The following LRRK2 variants were observed in gnomAD, a reference collection of about 807,000 sequenced individuals.
LRRK2 encodes leucine-rich repeat serine/threonine-protein kinase 2.
LRRK2 carries 203 observed loss-of-function variants against 302.6 expected under a neutral mutation model. The observed-to-expected ratio is 0.67, with a 90% CI of 0.60 to 0.75. LRRK2 has a LOEUF of 0.75. Ranked by LOEUF, LRRK2 falls within the 30% of genes least tolerant of loss-of-function variation. The pLI is 0.00. For missense variants in LRRK2, 2,830 were observed against 2,951.0 expected, an observed-to-expected ratio of 0.96 and a Z score of 0.95; for synonymous variants, 1,066 against 1,031.9, an observed-to-expected ratio of 1.03 and a Z score of -0.63.
chr12:40,306,884 T>C (rs1010401643), intron 28 of LRRK2, among the ~76,000 whole-genome samples: 1 of 152,150 alleles, frequency 6.6e-6, no homozygotes, highest in African/African-American at 2.4e-5. Flanking sequence ...AAGGAGTTTG[T>C]TATCTTTTGT....
At chr12:40,229,437 A>G (rs1390626150) in intron 2 of LRRK2, among the ~76,000 whole-genome samples, 1 of 152,168 alleles carries the variant, frequency 6.6e-6, no homozygotes, top group African/African-American at 2.4e-5. Flanking sequence ...ATGTTTCTTC[A>G]TAAATGACAG....
At chr12:40,335,630 G>A (rs1410430149) in intron 40 of LRRK2, among the ~76,000 whole-genome samples, 1 of 152,138 alleles carries the variant, frequency 6.6e-6, no homozygotes, top group Non-Finnish European at 1.5e-5. Flanking sequence ...ACACTGGAGT[G>A]GAAAGGCTGT....
chr12:40,341,472 T>G (rs1022325215), intron 41 of LRRK2, among the ~76,000 whole-genome samples: 7 of 152,206 alleles, frequency 4.6e-5, no homozygotes, highest in Non-Finnish European at 1.0e-4. Flanking sequence ...ATAGTTACAT[T>G]TTAGAAGTAG....
At chr12:40,257,638 G>T (rs963746919) in intron 12 of LRRK2, among the ~76,000 whole-genome samples, 3 of 152,194 alleles carry the variant, frequency 2.0e-5, no homozygotes, top group Non-Finnish European at 4.4e-5. Flanking sequence ...ATTTTGAAAA[G>T]TGGTAATTGT....
At chr12:40,352,093 G>C (rs1946369924) in intron 44 of LRRK2, among the ~76,000 whole-genome samples, 1 of 152,096 alleles carries the variant, frequency 6.6e-6, no homozygotes, top group African/African-American at 2.4e-5. Context: ...ATATGAATAG[G>C]AGCACAGAAT....
At chr12:40,331,606 A>AT (rs1945715102) in intron 39 of LRRK2, among the ~76,000 whole-genome samples, 1 of 151,846 alleles carries the variant, frequency 6.6e-6, no homozygotes, top group Admixed American at 6.6e-5. Context: ...ACAAAAAAAA[A>AT]ATCTCATAAT....
At chr12:40,310,702 G>A in intron 31 of LRRK2, 53 bp downstream of exon 31, 1 of 1,566,122 alleles carries the variant, frequency 6.4e-7, no homozygotes. Flanking sequence ...CAACTGCCTA[G>A]AAATGTCAGA....
chr12:40,321,882 T>A (rs1179425538), intron 35 of LRRK2, among the ~76,000 whole-genome samples, 153 bp from the exon 36 acceptor site: 2 of 152,028 alleles, frequency 1.3e-5, no homozygotes, highest in Non-Finnish European at 2.9e-5. Context: ...GGATAAAATA[T>A]TTAATAGATA....
chr12:40,228,000 G>A (rs542494332), intron 2 of LRRK2: 2 of 152,250 alleles, frequency 1.3e-5, no homozygotes, highest in Admixed American at 6.5e-5. Flanking sequence ...AGACATATAA[G>A]GTGATTCTGT....
Position 40,298,284 on chromosome 12 carries a change from A to T in LRRK2, c.3138A>T (p.Lys1046Asn). Residue 1046 changes from lysine (K) to asparagine (N), a missense_variant, in exon 24 of 51, where the codon AAA becomes AAT. This residue lies in a region of LRRK2 where 2,121 missense variants were observed against 2,148.0 expected (regional missense o/e 0.99). Coordinates refer to ENST00000298910, the MANE Select transcript of LRRK2 (RefSeq NM_198578.4). ...SLTHLDLHSN[K>N]FTSFPSYLLK... ...CACATTTGGACTTGCACAGTAATAA[A>T]TTTACATCATTTCCTTCTTATTTGT... is the stretch of plus-strand genomic sequence containing the variant. 1.2e-6 allele frequency: 2 copies of T among 1,613,736 alleles called. No homozygotes were observed. The highest frequency in any genetic ancestry group is 1.7e-6 in the Non-Finnish European group (2 of 1,179,836).
intron 16 of LRRK2, among the ~76,000 whole-genome samples, chr12:40,276,794 G>A (rs958755191): frequency 7.2e-5 from 11 of 152,094 alleles, no homozygotes; most frequent in African/African-American, 2.7e-4. Context: ...AGCATCATAA[G>A]AGTTCGAAGT....
chr12:40,298,798 T>TATATATATATATATATAA (rs57355300), intron 24 of LRRK2, among the ~76,000 whole-genome samples: 2 of 94,264 alleles, frequency 2.1e-5, no homozygotes, highest in African/African-American at 8.4e-5. Context: ...TATATATATA[T>TATATATATATATATATAA]AATATATGTA....
Position 40,251,827 on chromosome 12 carries a change from C to T in LRRK2, c.1181+283C>T, listed in dbSNP as rs149913043. 2.5e-3 allele frequency among the ~76,000 whole-genome samples: 382 copies of T among 152,184 alleles called. 4 individuals carry two copies. Among genetic ancestry groups the T allele is most frequent in the Admixed American group, 0.02 (304 of 15,256 alleles). ...AGAATCTTTCTATTTTCTGGCTGAT[C>T]GTTTTAAAATGCCATATTAATTCAT... On this transcript the variant is annotated intron_variant, in intron 10 of 50. Transcript: ENST00000298910.
At position 40,367,808 on chromosome 12, in the gene LRRK2, C is replaced by T. The variant is rs1182486628; in HGVS notation, c.*43C>T. ...TCTTTGGATAGGAAAATTATTCTCT[C>T]CTCTTGTAAATATTTATTTTAAAAA... On this transcript the variant is annotated 3_prime_UTR_variant, in exon 51 of 51. Coordinates refer to ENST00000298910, the MANE Select transcript of LRRK2 (RefSeq NM_198578.4). 21 of 1,567,408 alleles carry T rather than the reference C, an allele frequency of 1.3e-5. No homozygotes were observed. The highest frequency in any genetic ancestry group is 1.6e-5 in the Non-Finnish European group (19 of 1,152,070).
At chr12:40,235,801 T>TG (rs1205407730) in intron 4 of LRRK2, 87 bp downstream of exon 4, 7 of 770,832 alleles carry the variant, frequency 9.1e-6, no homozygotes, top group Non-Finnish European at 1.5e-5. Context: ...GTGTTTTTTT[T>TG]TTTTTTTTTT....
chr12:40,294,186 C>G (rs1383177896), intron 21 of LRRK2, among the ~76,000 whole-genome samples: 1 of 151,432 alleles, frequency 6.6e-6, no homozygotes, highest in East Asian at 1.9e-4. Flanking sequence ...TATCATCTAT[C>G]TATCAATCAT....
intron 41 of LRRK2, among the ~76,000 whole-genome samples, chr12:40,342,214 G>C (rs1184591479): frequency 6.6e-6 from 1 of 152,220 alleles, no homozygotes; most frequent in Non-Finnish European, 1.5e-5. Context: ...GTCTAGGCCA[G>C]CTAGCAGCCA....
intron 33 of LRRK2, among the ~76,000 whole-genome samples, chr12:40,317,140 A>T (rs553806315): frequency 6.6e-6 from 1 of 152,094 alleles, no homozygotes; most frequent in East Asian, 1.9e-4. Context: ...TTGAAACTCC[A>T]TGAAAGTTCT....
In LRRK2 at chr12:40,323,287, A is replaced by C. The variant is rs2136895225; in HGVS notation, c.5637A>C (p.Gln1879His). The C allele has an allele frequency of 6.2e-7, 1 of 1,612,646 alleles. No homozygotes were observed. Among genetic ancestry groups the C allele is most frequent in the Non-Finnish European group, 8.5e-7 (1 of 1,179,164 alleles). The change falls in exon 38 of 51, where the codon CAA becomes CAC. Residue 1879 changes from glutamine to histidine, a missense_variant. By Grantham distance (24) the Gln-to-His change is conservative. This residue lies in a region of LRRK2 where 253 missense variants were observed against 346.7 expected (regional missense o/e 0.73). Coordinates refer to ENST00000298910, the MANE Select transcript of LRRK2 (RefSeq NM_198578.4). ...MLNNDELEFE[Q>H]APEFLLGDGS... is the part of the protein sequence containing the mutation. ...ATAATGATGAGTTGGAATTTGAACA[A>C]GCTCCAGAGTTTCTCCTAGGTAATT... is the stretch of plus-strand genomic sequence containing the variant.
Sources: gnomAD v4.1 joint callset for allele counts (sites outside exome capture counted in the v4.1 genomes callset) on GRCh38, gnomAD v4.1.1 for gene constraint, gnomAD v4.1.1 regional missense constraint, MANE v1.5 for transcripts, NCBI Gene and HGNC (gene_info 2026-07-23, HGNC 2026-07-21) for gene names.